QPCTL: variants seen among roughly 807,000 people sequenced by gnomAD.
QPCTL encodes glutaminyl-peptide cyclotransferase like, also known as glutaminyl-peptide cyclotransferase-like protein.
In QPCTL, 31 loss-of-function variants were observed where a neutral mutation model predicts 34.6. The observed-to-expected ratio is 0.90, with a 90% CI of 0.67 to 1.21. QPCTL has a LOEUF of 1.21. Among genes scored for constraint, QPCTL ranks in the 50% most tolerant of loss-of-function variants. The pLI, the probability that QPCTL is intolerant of heterozygous loss-of-function variation, is 0.00. For missense variants in QPCTL, 474 were observed against 507.8 expected, an observed-to-expected ratio of 0.93 and a Z score of 0.64; for synonymous variants, 223 against 226.9, an observed-to-expected ratio of 0.98 and a Z score of 0.15.
Position 45,692,685 on chromosome 19 carries a change from G to C in QPCTL, c.-19G>C. On this transcript the variant is annotated 5_prime_UTR_variant, in exon 1 of 7. Coordinates refer to ENST00000012049, the MANE Select transcript of QPCTL (RefSeq NM_017659.4). ...AAACTCAATCCGTGGTCTGGTACAG[G>C]TTTCAGGGCAAAGCGGCCATGCGTT... 1 of 1,519,658 alleles carries C rather than the reference G, an allele frequency of 6.6e-7. No homozygotes were observed. The highest frequency in any genetic ancestry group is 8.8e-7 in the Non-Finnish European group (1 of 1,130,996). 94.1% of individuals were successfully genotyped at this position (1,519,658 alleles called of 1,614,324 possible).
rs1967814580 is a variant in QPCTL at position 45,701,725 on chromosome 19, C to A, written c.887-73C>A. ...GCTTTGTCTCTGGGTGCTCTGCCTT[C>A]CTCTGATTTGTGGACTGGGGACCTT... On this transcript the variant is annotated intron_variant, in intron 5 of 6. Transcript: ENST00000012049. 8.5e-6 allele frequency: 10 copies of A among 1,179,690 alleles called. No homozygotes were observed. The Admixed American group carries it at 1.0e-4, about 12-fold the overall frequency. 73.1% of individuals were successfully genotyped at this position (1,179,690 alleles called of 1,614,324 possible).
intron 5 of QPCTL, among the ~76,000 whole-genome samples, chr19:45,700,588 C>T (rs1427043964): frequency 6.6e-5 from 10 of 152,128 alleles, no homozygotes; most frequent in Non-Finnish European, 1.5e-4. Context: ...GTGAGACAGC[C>T]GTGGTTTCCA....
Position 45,692,925 on chromosome 19 carries a change from G to A in QPCTL, c.207+15G>A. ...GGGAGCTGCGGGTGAGGCTGGGCGG[G>A]GACCCGGGCACCGCGGGGACCCTCA... is the stretch of plus-strand genomic sequence containing the variant. On this transcript the variant is annotated intron_variant, in intron 1 of 6. Transcript: ENST00000012049. 4 of 1,530,980 alleles carry A rather than the reference G, an allele frequency of 2.6e-6. No individual in the cohort carries two copies. Among genetic ancestry groups the A allele is most frequent in the Non-Finnish European group, 3.5e-6 (4 of 1,143,128 alleles). The allele number at this position is 1,530,980 out of a possible 1,614,324, so 94.8% of individuals were successfully genotyped here. A position where few individuals can be genotyped will look rare whatever the true frequency, so the allele number is the denominator to read the frequency against.
Position 45,702,933 on chromosome 19 carries a change from C to A in QPCTL, c.1033C>A (p.Pro345Thr). The A allele has an allele frequency of 6.2e-7, 1 of 1,614,108 alleles. No individual in the cohort carries two copies. The highest frequency in any genetic ancestry group is 8.5e-7 in the Non-Finnish European group (1 of 1,180,030). Residue 345 changes from proline to threonine, a missense_variant, in exon 7 of 7, where the codon CCC becomes ACC. Physicochemically the swap from Pro to Thr is conservative, Grantham distance 38. Transcript: ENST00000012049. ...GVPVLHLIST[P>T]FPAVWHTPAD... ...ACCCGTGCTCCATCTCATCTCCACG[C>A]CCTTCCCTGCTGTCTGGCACACCCC...
intron 1 of QPCTL, 72 bp downstream of exon 1, chr19:45,692,982 G>A: frequency 1.4e-6 from 2 of 1,454,548 alleles, no homozygotes; most frequent in Non-Finnish European, 1.8e-6. Flanking sequence ...GGGTTGACGT[G>A]GCTTTAGCGT....
chr19:45,703,134 G>C lies in QPCTL; in HGVS notation c.*85G>C, dbSNP rs967235579. ...TGAAGCTCAGGCAGGATCTGCCTAGGGTGTGCTGGTTTGTCCTTTTCATAC... is the reference window on the plus strand; with the variant it reads ...TGAAGCTCAGGCAGGATCTGCCTAGCGTGTGCTGGTTTGTCCTTTTCATAC... On this transcript the variant is annotated 3_prime_UTR_variant, in exon 7 of 7. Transcript: ENST00000012049. 98 of 1,535,066 alleles carry C rather than the reference G, an allele frequency of 6.4e-5. No individual in the cohort carries two copies. Among genetic ancestry groups the C allele is most frequent in the Non-Finnish European group, 8.2e-5 (92 of 1,118,534 alleles).
At chr19:45,702,101 T>C (rs1363894252) in intron 6 of QPCTL, among the ~76,000 whole-genome samples, 187 bp downstream of exon 6, 5 of 152,098 alleles carry the variant, frequency 3.3e-5, no homozygotes, top group Admixed American at 3.3e-4. Flanking sequence ...GGATTGAACA[T>C]GCTAACACCG....
rs544470801 is a variant in QPCTL, at chr19:45,703,226, T to A, written c.*177T>A. On this transcript the variant is annotated 3_prime_UTR_variant, in exon 7 of 7. Transcript: ENST00000012049. ...TTTTGATTGTCTCAAGCTGCCACCC[T>A]TCAAGGACAGGGAAGAGACCACTGT... is the stretch of plus-strand genomic sequence containing the variant. 9.7e-4 allele frequency: 806 copies of A among 832,958 alleles called. 5 individuals carry two copies. Among genetic ancestry groups the A allele is most frequent in the South Asian group, 2.2e-3 (124 of 56,212 alleles). The allele number at this position is 832,958 out of a possible 1,614,324, so 51.6% of individuals were successfully genotyped here. A position where few individuals can be genotyped will look rare whatever the true frequency, so the allele number is the denominator to read the frequency against.
At chr19:45,699,342 TA>T (rs995343727) in intron 5 of QPCTL, among the ~76,000 whole-genome samples, 6 of 149,656 alleles carry the variant, frequency 4.0e-5, no homozygotes, top group East Asian at 4.0e-4. Flanking sequence ...CCCCATCTCT[TA>T]AAAAAAAATT....
intron 5 of QPCTL, among the ~76,000 whole-genome samples, chr19:45,699,378 G>C (rs1249188924): frequency 2.0e-5 from 3 of 151,820 alleles, no homozygotes; most frequent in Admixed American, 6.6e-5. Flanking sequence ...GCATGCACCT[G>C]TCATCCCAGC....
chr19:45,701,541 G>A lies in QPCTL; in HGVS notation c.887-257G>A, dbSNP rs563149983. On this transcript the variant is annotated intron_variant, in intron 5 of 6. Coordinates refer to ENST00000012049, the MANE Select transcript of QPCTL (RefSeq NM_017659.4). The stretch of plus-strand genomic sequence containing the variant: ...TCCACCTGCCTTGGTCTCCCTAAGT[G>A]CTGGGATTACAGGCATGAGCCACCA... Among the ~76,000 whole-genome samples the A allele has an allele frequency of 8.3e-4, 126 of 152,230 alleles. 1 individual carries two copies. Among genetic ancestry groups the A allele is most frequent in the African/African-American group, 3.0e-3 (123 of 41,536 alleles).
rs201026248 is a variant in QPCTL, at chr19:45,702,178, AC to A, written c.1003+265del. 4.7e-3 allele frequency among the ~76,000 whole-genome samples: 711 copies of A among 152,100 alleles called. 11 individuals carry two copies. Among genetic ancestry groups the A allele is most frequent in the Non-Finnish European group, 1.9e-3 (129 of 67,990 alleles). The stretch of plus-strand genomic sequence containing the variant: ...ATTCCAGAAATGTTTGCAGCTGGGC[AC>A]GGTGGTTCACAGCTGTAATCCCAGC... On this transcript the variant is annotated intron_variant, in intron 6 of 6. Transcript: ENST00000012049.
Position 45,698,869 on chromosome 19 carries a change from G to A in QPCTL, c.855G>A (p.Thr285=), listed in dbSNP as rs765616312. 7.4e-6 allele frequency: 12 copies of A among 1,613,788 alleles called. No individual in the cohort carries two copies. Among genetic ancestry groups the A allele is most frequent in the African/African-American group, 4.0e-5 (3 of 74,856 alleles). Reference sequence around the variant, plus strand: ...CCTTCTACAGCCACTTCCCTCGCACGGTCCGCTGGTTCCATCGGCTGAGGA... The same window carrying A: ...CCTTCTACAGCCACTTCCCTCGCACAGTCCGCTGGTTCCATCGGCTGAGGA... ...NPTFYSHFPR[T]VRWFHRLRSI... The change falls in exon 5 of 7, where the codon ACG becomes ACA. Residue 285 remains threonine (T), a synonymous_variant. Transcript: ENST00000012049.
chr19:45,698,804 C>T lies in QPCTL; in HGVS notation c.790C>T (p.Leu264Phe), dbSNP rs771597308. The T allele has an allele frequency of 3.7e-5, 60 of 1,613,776 alleles. No individual in the cohort carries two copies. Among genetic ancestry groups the T allele is most frequent in the Non-Finnish European group, 4.7e-5 (56 of 1,179,770 alleles). The change falls in exon 5 of 7, where the codon CTC becomes TTC. Residue 264 changes from leucine (L) to phenylalanine (F), a missense_variant. Transcript: ENST00000012049. ...PGPTRIQAIE[L>F]FMLLDLLGAP... ...CAGTCCTAGCCTTTCTCCTTAGGAG[C>T]TCTTTATGCTTCTTGATCTCCTGGG... is the stretch of plus-strand genomic sequence containing the variant.
chr19:45,700,724 G>A (rs1018090187), intron 5 of QPCTL, among the ~76,000 whole-genome samples: 3 of 151,688 alleles, frequency 2.0e-5, no homozygotes, highest in Non-Finnish European at 4.4e-5. Flanking sequence ...ACTTTGGGAG[G>A]CCGAGGTGGG....
intron 3 of QPCTL, among the ~76,000 whole-genome samples, chr19:45,697,751 C>G (rs1967728181): frequency 6.6e-6 from 1 of 152,210 alleles, no homozygotes; most frequent in Non-Finnish European, 1.5e-5. Context: ...CCCCCAGCCT[C>G]CTTCCTATGC....
rs368538968 is a variant in QPCTL, at chr19:45,692,787, C to T, written c.84C>T (p.Arg28=). The part of the protein sequence containing the change: ...LMEPLLPPKR[R]LLPRVRLLPL... The stretch of plus-strand genomic sequence containing the variant: ...AGCCACTCTTGCCGCCGAAGCGCCG[C>T]CTGCTACCGCGGGTTCGGCTCTTGC... Residue 28 remains arginine, a synonymous_variant, in exon 1 of 7, where the codon CGC becomes CGT. Transcript: ENST00000012049. 3.8e-6 allele frequency: 6 copies of T among 1,586,302 alleles called. No individual in the cohort carries two copies. The highest frequency in any genetic ancestry group is 5.1e-6 in the Non-Finnish European group (6 of 1,166,228).
chr19:45,698,431 G>A lies in QPCTL; in HGVS notation c.634-116G>A. 2.4e-6 allele frequency: 3 copies of A among 1,258,186 alleles called. No individual in the cohort carries two copies. The East Asian group carries it at 7.4e-5, about 31-fold the overall frequency. 77.9% of individuals were successfully genotyped at this position (1,258,186 alleles called of 1,614,324 possible). A position where few individuals can be genotyped will look rare whatever the true frequency, so the allele number is the denominator to read the frequency against. ...TGTGCTCTTGGCTACCACGTTCTATGAGTGAGGACACCTTATGTGTTCTCT... is the reference window on the plus strand; with the variant it reads ...TGTGCTCTTGGCTACCACGTTCTATAAGTGAGGACACCTTATGTGTTCTCT... On this transcript the variant is annotated intron_variant, in intron 3 of 6. Transcript: ENST00000012049.
intron 6 of QPCTL, among the ~76,000 whole-genome samples, chr19:45,702,179 C>T (rs1394163706): frequency 1.3e-5 from 2 of 150,220 alleles, no homozygotes; most frequent in Non-Finnish European, 3.0e-5. Flanking sequence ...CAGCTGGGCA[C>T]GGTGGTTCAC....
Sources: gnomAD v4.1 joint callset for allele counts (sites outside exome capture counted in the v4.1 genomes callset) on GRCh38, gnomAD v4.1.1 for gene constraint, MANE v1.5 for transcripts, NCBI Gene and HGNC (gene_info 2026-07-23, HGNC 2026-07-21) for gene names.